The following UBXN2A variants were observed in gnomAD, a reference collection of about 807,000 sequenced individuals.
The protein encoded by UBXN2A is UBX domain protein 2A.
A neutral mutation model predicts 28.4 loss-of-function variants in UBXN2A; 28 were observed. That is an observed-to-expected ratio of 0.99 (90% CI 0.73 to 1.35). The LOEUF is 1.35. UBXN2A is among the 40% of genes most tolerant of loss of function. The probability of loss-of-function intolerance (pLI) is 0.00; values close to 1 mark genes in which losing one functional copy is unlikely to be tolerated. For missense variants in UBXN2A, 253 were observed against 297.9 expected (o/e 0.85, Z 1.11); for synonymous variants, 97 against 103.6 (o/e 0.94, Z 0.39).
Position 23,958,371 on chromosome 2 carries a change from C to T in UBXN2A, c.41+16C>T, listed in dbSNP as rs1348732505. The T allele has an allele frequency of 1.3e-6, 2 of 1,596,384 alleles. No homozygotes were observed. Among genetic ancestry groups the T allele is most frequent in the Non-Finnish European group, 1.7e-6 (2 of 1,173,200 alleles). ...AAGAAGAATGGTAAGTTAATTCAAA[C>T]TGAATTGCTTTGTTAATGCCTTTGT... On this transcript the variant is annotated intron_variant, in intron 2 of 6. Coordinates refer to ENST00000309033, the MANE Select transcript of UBXN2A (RefSeq NM_181713.4).
intron 1 of UBXN2A, chr2:23,944,372 C>A: frequency 7.1e-7 from 1 of 1,417,168 alleles, no homozygotes; most frequent in Non-Finnish European, 9.9e-7. Context: ...TGACCAGCAT[C>A]ATCTTCCTAC....
At chr2:23,954,320 A>C (rs1037942225) in intron 1 of UBXN2A, among the ~76,000 whole-genome samples, 3 of 152,194 alleles carry the variant, frequency 2.0e-5, no homozygotes, top group Non-Finnish European at 4.4e-5. Context: ...TGTTTTCAGC[A>C]TTCATCCATG....
At chr2:23,954,931 CTTTT>C (rs35139100) in intron 1 of UBXN2A, among the ~76,000 whole-genome samples, 4 of 120,844 alleles carry the variant, frequency 3.3e-5, no homozygotes, top group Admixed American at 9.0e-5. Flanking sequence ...GCTTGCCTAC[CTTTT>C]TTTTTTTTTT....
Position 23,971,285 on chromosome 2 carries a change from A to G in UBXN2A, c.51A>G (p.Glu17=). 1 of 1,560,950 alleles carries G rather than the reference A, an allele frequency of 6.4e-7. No individual in the cohort carries two copies. The highest frequency in any genetic ancestry group is 8.7e-7 in the Non-Finnish European group (1 of 1,143,646). The change falls in exon 3 of 7, where the codon GAA becomes GAG. Residue 17 remains glutamate, a synonymous_variant. Coordinates refer to ENST00000309033, the MANE Select transcript of UBXN2A (RefSeq NM_181713.4). ...LKSIKEEWVC[E]TGSDNQPLGN... The stretch of plus-strand genomic sequence containing the variant: ...TCTTTATCTTGTTTAGGGTTTGTGA[A>G]ACAGGATCTGATAATCAACCTCTTG...
Position 23,984,806 on chromosome 2 carries a change from G to A in UBXN2A, c.559G>A (p.Val187Ile). 1 of 1,555,868 alleles carries A rather than the reference G, an allele frequency of 6.4e-7. No homozygotes were observed. Among genetic ancestry groups the A allele is most frequent in the Non-Finnish European group, 8.6e-7 (1 of 1,162,494 alleles). The change falls in exon 6 of 7, where the codon GTC becomes ATC. Residue 187 changes from valine to isoleucine, a missense_variant. Val to Ile is a conservative substitution (Grantham distance 29). Transcript: ENST00000309033. ...CTGGTTGGCCAATGGAAAAAGGATT[G>A]TCCAGAAATTTAACATTACTCATAG... ...QIWLANGKRIVQKFNITHRVS... is the reference protein window; with the variant it reads ...QIWLANGKRIIQKFNITHRVS...
At chr2:23,949,546 T>C (rs1706261473) in intron 1 of UBXN2A, among the ~76,000 whole-genome samples, 1 of 150,914 alleles carries the variant, frequency 6.6e-6, no homozygotes, top group Admixed American at 6.6e-5. Context: ...AGACTTCATC[T>C]CAAAAATAAA....
chr2:23,957,727 G>A (rs528984196), intron 1 of UBXN2A, among the ~76,000 whole-genome samples: 3 of 152,250 alleles, frequency 2.0e-5, no homozygotes, highest in South Asian at 2.1e-4. Context: ...CCAGCTACTC[G>A]GGAGGCTGAG....
intron 2 of UBXN2A, among the ~76,000 whole-genome samples, chr2:23,962,696 C>G (rs1204983823): frequency 1.3e-5 from 2 of 150,690 alleles, no homozygotes; most frequent in African/African-American, 4.9e-5. Flanking sequence ...GCCTCAGCCT[C>G]CTGGGTTCAA....
intron 1 of UBXN2A, among the ~76,000 whole-genome samples, chr2:23,930,396 G>A (rs889084890): frequency 4.6e-5 from 7 of 152,080 alleles, no homozygotes; most frequent in Non-Finnish European, 8.8e-5. Flanking sequence ...AGACATAGAG[G>A]GAATGAATAA....
intron 1 of UBXN2A, among the ~76,000 whole-genome samples, chr2:23,956,194 G>C (rs372706264): frequency 1.3e-5 from 2 of 150,048 alleles, no homozygotes; most frequent in African/African-American, 4.9e-5. Context: ...AAAAAAATCT[G>C]ATCGTATAGA....
At chr2:23,965,051 G>A (rs751423490) in intron 2 of UBXN2A, among the ~76,000 whole-genome samples, 23 of 151,926 alleles carry the variant, frequency 1.5e-4, no homozygotes, top group South Asian at 2.1e-4. Flanking sequence ...CTAATTTTTC[G>A]TATTTTTTTT....
chr2:23,967,367 C>G (rs1246082152), intron 2 of UBXN2A, among the ~76,000 whole-genome samples: 1 of 152,160 alleles, frequency 6.6e-6, no homozygotes, highest in Non-Finnish European at 1.5e-5. Flanking sequence ...TAATGGAGCA[C>G]TAACTACCAT....
At chr2:23,940,236 C>G (rs1303499461), upstream of UBXN2A, among the ~76,000 whole-genome samples, 2 of 151,950 alleles carry the variant, frequency 1.3e-5, no homozygotes, top group Non-Finnish European at 2.9e-5. Context: ...TGAGGAGGTA[C>G]CCAGGTAAGC....
chr2:23,970,794 A>G (rs1167270937), intron 2 of UBXN2A, among the ~76,000 whole-genome samples: 1 of 151,946 alleles, frequency 6.6e-6, no homozygotes, highest in African/African-American at 2.4e-5. Context: ...TTAGAGTCTC[A>G]TAAGGAGCCT....
chr2:23,952,690 G>T (rs1419460536), intron 1 of UBXN2A, among the ~76,000 whole-genome samples: 1 of 152,062 alleles, frequency 6.6e-6, no homozygotes, highest in Non-Finnish European at 1.5e-5. Context: ...TGATCTACCT[G>T]CCTTGGCCTC....
chr2:23,980,032 A>G (rs939997997), intron 4 of UBXN2A, among the ~76,000 whole-genome samples: 8 of 152,110 alleles, frequency 5.3e-5, no homozygotes, highest in Non-Finnish European at 8.8e-5. Context: ...CAGTTTTACA[A>G]TCATCAGCAC....
chr2:23,981,648 C>G (rs1707911749), intron 4 of UBXN2A, among the ~76,000 whole-genome samples: 1 of 151,952 alleles, frequency 6.6e-6, no homozygotes, highest in African/African-American at 2.4e-5. Flanking sequence ...AATCCCAACA[C>G]TTTGGGAGGC....
rs1397115531 is a variant in UBXN2A at position 24,003,875 on chromosome 2, T to A, written c.*4008T>A. The A allele has an allele frequency of 6.6e-6, 1 of 152,170 alleles. No individual in the cohort carries two copies. The highest frequency in any genetic ancestry group is 1.5e-5 in the Non-Finnish European group (1 of 68,032). The allele number at this position is 152,170 out of a possible 1,614,324, so 9.4% of individuals were successfully genotyped here. ...CATGTAGCATTTTTATTTGCATAAT[T>A]ATAGTCAACATATGATTCTCCATGT... On this transcript the variant is annotated 3_prime_UTR_variant, in exon 7 of 7. Coordinates refer to ENST00000309033, the MANE Select transcript of UBXN2A (RefSeq NM_181713.4).
intron 1 of UBXN2A, among the ~76,000 whole-genome samples, chr2:23,951,819 A>G (rs1421098814): frequency 2.6e-5 from 4 of 152,094 alleles, no homozygotes; most frequent in Non-Finnish European, 5.9e-5. Flanking sequence ...GTGGGTGTTT[A>G]TATTTTTCTC....
Sources: gnomAD v4.1 joint callset for allele counts (sites outside exome capture counted in the v4.1 genomes callset) on GRCh38, gnomAD v4.1.1 for gene constraint, MANE v1.5 for transcripts, NCBI Gene and HGNC (gene_info 2026-07-23, HGNC 2026-07-21) for gene names.